SLC22A23: variants seen among roughly 807,000 people sequenced by gnomAD.
SLC22A23 encodes solute carrier family 22 member 23, also known as ion transporter protein.
A neutral mutation model predicts 61.0 loss-of-function variants in SLC22A23; 26 were observed. That is an observed-to-expected ratio of 0.43 (90% CI 0.31 to 0.59). The LOEUF (loss-of-function observed/expected upper bound fraction) is 0.59. Ranked by LOEUF, SLC22A23 falls within the 20% of genes least tolerant of loss-of-function variation. The pLI, the probability that SLC22A23 is intolerant of heterozygous loss-of-function variation, is 0.11. For synonymous variants in SLC22A23, 430 were observed against 413.9 expected, an observed-to-expected ratio of 1.04 and a Z score of -0.47; for missense variants, 796 against 934.7, an observed-to-expected ratio of 0.85 and a Z score of 1.94.
chr6:3,385,463 C>T lies in SLC22A23; in HGVS notation c.913+24725G>A, dbSNP rs1767239451. ...TCTGGGAGGCAGAGGTTGCAGTGTG[C>T]AGAGATGGTGCCACTGCACTCTAGC... On this transcript the variant is annotated intron_variant, in intron 3 of 9. Transcript: ENST00000406686. Among the ~76,000 whole-genome samples, 3 of 152,058 alleles carry T rather than the reference C, an allele frequency of 2.0e-5. No individual in the cohort carries two copies. The South Asian group carries it at 6.2e-4, about 31-fold the overall frequency.
intron 4 of SLC22A23, among the ~76,000 whole-genome samples, chr6:3,310,731 A>T (rs34793311): frequency 0.06 from 9,127 of 152,272 alleles, 535 homozygotes; most frequent in East Asian, 0.24. Context: ...CCAGTTGGAG[A>T]CTGACATAGA....
At position 3,277,662 on chromosome 6, in the gene SLC22A23, A is replaced by G. The variant is rs902820222; in HGVS notation, c.1704-4250T>C. Among the ~76,000 whole-genome samples, 4 of 151,796 alleles carry G rather than the reference A, an allele frequency of 2.6e-5. No individual in the cohort carries two copies. In the South Asian group the frequency reaches 8.3e-4, roughly 32 times the overall value. On this transcript the variant is annotated intron_variant, in intron 9 of 9. Coordinates refer to ENST00000406686, the MANE Select transcript of SLC22A23 (RefSeq NM_015482.2). ...TGTTTCCAGGGCAGGACCAGGCTCC[A>G]CTCCGTGTGCTGTCCCCAGCACCTG...
rs988316864 is a variant in SLC22A23, at chr6:3,386,846, C to T, written c.913+23342G>A. On this transcript the variant is annotated intron_variant, in intron 3 of 9. Transcript: ENST00000406686. The surrounding 1 kb of genome is among the most constrained non-coding windows in gnomAD (Gnocchi z 4.4). The stretch of plus-strand genomic sequence containing the variant: ...CTGGCAGCAACATGGGGAACAAGGA[C>T]TTGCTTCCACAGGGCCGGCACCCCA... Among the ~76,000 whole-genome samples the T allele has an allele frequency of 3.9e-5, 6 of 152,230 alleles. No individual in the cohort carries two copies. The highest frequency in any genetic ancestry group is 1.4e-4 in the African/African-American group (6 of 41,456).
At chr6:3,352,158 GGTT>G (rs1367520997) in intron 3 of SLC22A23, among the ~76,000 whole-genome samples, 3 of 152,196 alleles carry the variant, frequency 2.0e-5, no homozygotes, top group African/African-American at 7.2e-5. Context: ...GAACAGGGCA[GGTT>G]GTGGAAGGAG....
intron 5 of SLC22A23, chr6:3,290,163 A>G (rs778007739): frequency 2.2e-5 from 10 of 464,500 alleles, no homozygotes; most frequent in Non-Finnish European, 4.0e-5. Context: ...GAGTGCACAC[A>G]AACGGTCTCG....
intron 1 of SLC22A23, among the ~76,000 whole-genome samples, chr6:3,418,276 C>T (rs1769872380): frequency 6.6e-6 from 1 of 152,126 alleles, no homozygotes; most frequent in African/African-American, 2.4e-5. Context: ...TCATGTCTCC[C>T]CCAAGACTTC....
rs1412470328 is a variant in SLC22A23, at chr6:3,328,251, G to T, written c.914-4249C>A. Among the ~76,000 whole-genome samples, 1 of 151,938 alleles carries T rather than the reference G, an allele frequency of 6.6e-6. No individual in the cohort carries two copies. The highest frequency in any genetic ancestry group is 1.5e-5 in the Non-Finnish European group (1 of 68,024). ...GAGACTGAACTGAGGCATTTGTTTA[G>T]TGAATCAACAGGGACCATGACTAAG... On this transcript the variant is annotated intron_variant, in intron 3 of 9. Coordinates refer to ENST00000406686, the MANE Select transcript of SLC22A23 (RefSeq NM_015482.2). This position sits in a 1 kb window ranked among gnomAD's most constrained non-coding sequence, Gnocchi z 5.0.
chr6:3,366,481 CT>C (rs1765846042), intron 3 of SLC22A23, among the ~76,000 whole-genome samples: 1 of 151,906 alleles, frequency 6.6e-6, no homozygotes, highest in Admixed American at 6.6e-5. Flanking sequence ...ATTTAACTCG[CT>C]GTGTTGTGGG....
chr6:3,456,322 A>G lies in SLC22A23; in HGVS notation c.238T>C (p.Tyr80His), dbSNP rs1349478724. 3 of 1,550,482 alleles carry G rather than the reference A, an allele frequency of 1.9e-6. No individual in the cohort carries two copies. The highest frequency in any genetic ancestry group is 2.6e-6 in the Non-Finnish European group (3 of 1,146,746). The change falls in exon 1 of 10, where the codon TAT (tyrosine) becomes CAT (histidine). Residue 80 changes from tyrosine (Y) to histidine (H), a missense_variant. Transcript: ENST00000406686. The surrounding 1 kb of genome is among the most constrained non-coding windows in gnomAD (Gnocchi z 7.1). The stretch of plus-strand genomic sequence containing the variant: ...AGGAAGGGCAGCACCGACCCGTCAT[A>G]GTCCAGCAACAAGAGGCTCGGGGCC... ...AAAPSLLLLD[Y>H]DGSVLPFLGG...
At chr6:3,411,752 C>T (rs554483268) in intron 2 of SLC22A23, among the ~76,000 whole-genome samples, 4 of 152,302 alleles carry the variant, frequency 2.6e-5, no homozygotes, top group Admixed American at 6.5e-5. Context: ...CCATTCCCAT[C>T]AGTCACTTTG....
At position 3,414,869 on chromosome 6, in the gene SLC22A23, G is replaced by A. The variant is rs528644990; in HGVS notation, c.758+883C>T. ...TGCCTCCCTGCTTAGACACCTCACC[G>A]CTGCTGCCCCTGTGACCACAGAATG... On this transcript the variant is annotated intron_variant, in intron 2 of 9. Transcript: ENST00000406686. This position sits in a 1 kb window ranked among gnomAD's most constrained non-coding sequence, Gnocchi z 5.1. 1.2e-4 allele frequency among the ~76,000 whole-genome samples: 19 copies of A among 152,102 alleles called. No homozygotes were observed. Among genetic ancestry groups the A allele is most frequent in the African/African-American group, 3.1e-4 (13 of 41,486 alleles).
chr6:3,338,097 G>A (rs1345928463), intron 3 of SLC22A23, among the ~76,000 whole-genome samples: 1 of 152,168 alleles, frequency 6.6e-6, no homozygotes, highest in African/African-American at 2.4e-5. Flanking sequence ...TCTTCCATCA[G>A]TTTCCCCCAT....
At chr6:3,284,726 C>T (rs115689374) in intron 8 of SLC22A23, among the ~76,000 whole-genome samples, 3,861 of 152,298 alleles carry the variant, frequency 0.025, 172 homozygotes, top group African/African-American at 0.089. Context: ...CACAGACAGC[C>T]GGGCCCCAGC....
chr6:3,440,403 C>T (rs902558205), intron 1 of SLC22A23, among the ~76,000 whole-genome samples: 2 of 151,966 alleles, frequency 1.3e-5, no homozygotes, highest in African/African-American at 4.8e-5. Flanking sequence ...CGACTGGGGT[C>T]CCTATAAGAA....
At chr6:3,320,087 C>G (rs895407026) in intron 4 of SLC22A23, among the ~76,000 whole-genome samples, 1 of 152,162 alleles carries the variant, frequency 6.6e-6, no homozygotes, top group Admixed American at 6.5e-5. Flanking sequence ...TCAGCTCTAG[C>G]CCCCGGGCAG....
At chr6:3,296,298 T>C (rs758266586) in intron 5 of SLC22A23, among the ~76,000 whole-genome samples, 18 of 152,184 alleles carry the variant, frequency 1.2e-4, no homozygotes, top group Non-Finnish European at 2.5e-4. Flanking sequence ...CTCCCTCATG[T>C]TAGAGCAGCG....
In SLC22A23 at chr6:3,372,420, G is replaced by T. The variant is rs1766282510; in HGVS notation, c.913+37768C>A. 1.3e-5 allele frequency among the ~76,000 whole-genome samples: 2 copies of T among 152,224 alleles called. No individual in the cohort carries two copies. Among genetic ancestry groups the T allele is most frequent in the Admixed American group, 1.3e-4 (2 of 15,284 alleles). On this transcript the variant is annotated intron_variant, in intron 3 of 9. Coordinates refer to ENST00000406686, the MANE Select transcript of SLC22A23 (RefSeq NM_015482.2). The surrounding 1 kb of genome is among the most constrained non-coding windows in gnomAD (Gnocchi z 4.7). ...GGAAGGGGGGATGGGCGTGGCTGCT[G>T]ACAGCACGTAAGGTGGACAGAGCAG...
Position 3,323,868 on chromosome 6 carries a change from T to G in SLC22A23, c.1048A>C (p.Ile350Leu), listed in dbSNP as rs763554137. 3 of 1,613,900 alleles carry G rather than the reference T, an allele frequency of 1.9e-6. No homozygotes were observed. The highest frequency in any genetic ancestry group is 1.3e-5 in the African/African-American group (1 of 74,920). The change falls in exon 4 of 10, where the codon ATC (isoleucine) becomes CTC (leucine). Residue 350 changes from isoleucine to leucine, a missense_variant. Transcript: ENST00000406686. ...RDWQVLQALI[I>L]CPFLLMLLYW... Reference sequence around the variant, plus strand: ...AGCAGCATGAGCAGGAAGGGGCAGATGATGAGGGCCTGCAGCACCTGCCAA... The same window carrying G: ...AGCAGCATGAGCAGGAAGGGGCAGAGGATGAGGGCCTGCAGCACCTGCCAA...
intron 1 of SLC22A23, among the ~76,000 whole-genome samples, chr6:3,455,300 CTCCG>C (rs1194499895): frequency 6.6e-6 from 1 of 152,240 alleles, no homozygotes; most frequent in African/African-American, 2.4e-5. Context: ...ATGACATATT[CTCCG>C]CGTCCTTCCT....
Sources: allele counts gnomAD v4.1 joint callset (sites outside exome capture counted in the v4.1 genomes callset), GRCh38; gene constraint gnomAD v4.1.1; non-coding constraint Gnocchi (gnomAD v3.1); transcripts MANE v1.5; gene names NCBI Gene and HGNC (gene_info 2026-07-23, HGNC 2026-07-21).